HNRNPA1L2: variants seen among roughly 807,000 people sequenced by gnomAD.
HNRNPA1L2 encodes the protein heterogeneous nuclear ribonucleoprotein A1-like 2.
Under a neutral mutation model 18.2 loss-of-function variants are expected in HNRNPA1L2, and 10 were observed. That is an observed-to-expected ratio of 0.55 (90% CI 0.34 to 0.93). The LOEUF (loss-of-function observed/expected upper bound fraction) is 0.93. Ranked by LOEUF, HNRNPA1L2 falls within the 40% of genes least tolerant of loss-of-function variation. The pLI is 0.02. For missense variants in HNRNPA1L2, 308 were observed against 394.4 expected (o/e 0.78, Z 1.85); for synonymous variants, 124 against 138.6 (o/e 0.89, Z 0.74).
the HNRNPA1L2 span, among the ~76,000 whole-genome samples, chr13:52,624,893 T>C: frequency 4.9e-4 from 75 of 152,090 alleles, no homozygotes; most frequent in African/African-American, 1.8e-3. Flanking sequence ...TAGCCGGGTG[T>C]GGTGGCATGG....
the HNRNPA1L2 span, among the ~76,000 whole-genome samples, chr13:52,635,731 G>C: frequency 2.0e-5 from 3 of 151,370 alleles, no homozygotes; most frequent in South Asian, 4.2e-4. Flanking sequence ...CATCTGGCTT[G>C]TTTCACTCAG....
the HNRNPA1L2 span, among the ~76,000 whole-genome samples, chr13:52,628,391 A>G: frequency 3.3e-5 from 5 of 152,164 alleles, no homozygotes; most frequent in Admixed American, 2.6e-4. Flanking sequence ...GCATTGAGTT[A>G]AGATAGGCAC....
In HNRNPA1L2 at chr13:52,642,509, C is replaced by A. The variant is rs866632791; in HGVS notation, c.17C>A (p.Ser6Tyr). MSKSA[S>Y]PKEPEQLRKL... ...CTTGCCGTCATGTCTAAGTCAGCGTCTCCAAAAGAGCCCGAACAGCTGAGG... is the reference window on the plus strand; with the variant it reads ...CTTGCCGTCATGTCTAAGTCAGCGTATCCAAAAGAGCCCGAACAGCTGAGG... The change falls in exon 1 of 1, where the codon TCT becomes TAT. Residue 6 changes from serine to tyrosine, a missense_variant. Physicochemically the swap from Ser to Tyr is moderately radical, Grantham distance 144. Transcript: ENST00000357495. The A allele has an allele frequency of 1.9e-6, 3 of 1,611,936 alleles. No individual in the cohort carries two copies. The highest frequency in any genetic ancestry group is 2.5e-6 in the Non-Finnish European group (3 of 1,179,850).
At chr13:52,625,918 A>T in the HNRNPA1L2 span, among the ~76,000 whole-genome samples, 1 of 151,622 alleles carries the variant, frequency 6.6e-6, no homozygotes, top group African/African-American at 2.4e-5. Flanking sequence ...CTGGGACTGT[A>T]GGCATGTGCC....
chr13:52,638,872 C>G (rs950915023), upstream of HNRNPA1L2, among the ~76,000 whole-genome samples: 1 of 152,112 alleles, frequency 6.6e-6, no homozygotes, highest in African/African-American at 2.4e-5. Context: ...CTAGGAAGAA[C>G]AAATAGCTGC....
chr13:52,643,512 G>C lies in HNRNPA1L2; in HGVS notation c.*57G>C. ...CCAGAGAAGTGACAGGGAAGCTACAGGTTACAACAGATTTGTGAACTCAGC... is the reference window on the plus strand; with the variant it reads ...CCAGAGAAGTGACAGGGAAGCTACACGTTACAACAGATTTGTGAACTCAGC... On this transcript the variant is annotated 3_prime_UTR_variant, in exon 1 of 1. Coordinates refer to ENST00000357495, the MANE Select transcript of HNRNPA1L2 (RefSeq NM_001389320.1). 1 of 1,464,806 alleles carries C rather than the reference G, an allele frequency of 6.8e-7. No individual in the cohort carries two copies. Among genetic ancestry groups the C allele is most frequent in the Non-Finnish European group, 9.4e-7 (1 of 1,063,128 alleles). 90.7% of individuals were successfully genotyped at this position (1,464,806 alleles called of 1,614,324 possible).
the HNRNPA1L2 span, among the ~76,000 whole-genome samples, chr13:52,635,855 G>C: frequency 5.4e-5 from 8 of 148,398 alleles, no homozygotes; most frequent in African/African-American, 1.7e-4. Flanking sequence ...TTTTGAGACG[G>C]AGTCTCGCTC....
upstream of HNRNPA1L2, among the ~76,000 whole-genome samples, chr13:52,637,759 T>C (rs1173860040): frequency 6.6e-6 from 1 of 152,214 alleles, no homozygotes; most frequent in Non-Finnish European, 1.5e-5. Context: ...GACAGTACTA[T>C]CATTCTGTTC....
At chr13:52,630,463 CAG>C in the HNRNPA1L2 span, among the ~76,000 whole-genome samples, 2 of 151,944 alleles carry the variant, frequency 1.3e-5, no homozygotes. Flanking sequence ...TTAGTAGAGA[CAG>C]GGTTTCACCA....
chr13:52,619,731 CTAACA>C, the HNRNPA1L2 span, among the ~76,000 whole-genome samples: 1 of 151,916 alleles, frequency 6.6e-6, no homozygotes, highest in Non-Finnish European at 1.5e-5. Flanking sequence ...ACCATCCTGG[CTAACA>C]TGGTGAAACC....
chr13:52,639,694 C>CAAAAAAAAAAAAAAAAAAAAAAAAAAAA (rs10661534), upstream of HNRNPA1L2, among the ~76,000 whole-genome samples: 1 of 73,546 alleles, frequency 1.4e-5, no homozygotes, highest in African/African-American at 5.2e-5. Flanking sequence ...GACCCTGTCT[C>CAAAAAAAAAAAAAAAAAAAAAAAAAAAA]AAAAAAAAAA....
chr13:52,639,891 T>TG (rs1566162162), upstream of HNRNPA1L2, among the ~76,000 whole-genome samples: 9 of 122,652 alleles, frequency 7.3e-5, no homozygotes, highest in African/African-American at 2.2e-4. Context: ...TTTTTTTTTT[T>TG]TTTTGTTTTT....
At chr13:52,618,354 T>G in the HNRNPA1L2 span, among the ~76,000 whole-genome samples, 3 of 152,232 alleles carry the variant, frequency 2.0e-5, no homozygotes, top group Non-Finnish European at 4.4e-5. Flanking sequence ...ATACTTGGTT[T>G]TGCTGTTTAT....
In HNRNPA1L2 at chr13:52,642,714, A is replaced by G; in HGVS notation, c.222A>G (p.Thr74=). 6.2e-7 allele frequency: 1 copy of G among 1,604,464 alleles called. No individual in the cohort carries two copies. The highest frequency in any genetic ancestry group is 1.1e-5 in the South Asian group (1 of 90,994). Residue 74 remains threonine, a synonymous_variant, in exon 1 of 1, where the codon ACA becomes ACG. Coordinates refer to ENST00000357495, the MANE Select transcript of HNRNPA1L2 (RefSeq NM_001389320.1). ...AGGAGGTGGATGCAGCTATGAATAC[A>G]ACGCCACACAAGGTGGATGGAAGAG... The part of the protein sequence containing the change: ...TVEEVDAAMN[T]TPHKVDGRVV...
the HNRNPA1L2 span, chr13:52,617,609 C>T: frequency 1.1e-4 from 52 of 474,472 alleles, no homozygotes; most frequent in South Asian, 6.2e-4. Context: ...TTCCTGCCAC[C>T]CTTTGTCCCC....
upstream of HNRNPA1L2, chr13:52,642,166 T>G: frequency 2.9e-6 from 1 of 347,614 alleles, no homozygotes; most frequent in South Asian, 5.2e-5. Flanking sequence ...TGGCCAACAA[T>G]GTGGGGTTGG....
At chr13:52,639,249 A>G (rs1961563839), upstream of HNRNPA1L2, among the ~76,000 whole-genome samples, 1 of 152,228 alleles carries the variant, frequency 6.6e-6, no homozygotes, top group Non-Finnish European at 1.5e-5. Flanking sequence ...ATAATAAAAA[A>G]GAATTTGTGT....
At chr13:52,626,017 C>T in the HNRNPA1L2 span, among the ~76,000 whole-genome samples, 7 of 151,826 alleles carry the variant, frequency 4.6e-5, no homozygotes, top group South Asian at 2.1e-4. Context: ...TGAGCTCAAG[C>T]GATCCTCCCT....
chr13:52,621,061 C>T, the HNRNPA1L2 span, among the ~76,000 whole-genome samples: 1 of 151,954 alleles, frequency 6.6e-6, no homozygotes, highest in Non-Finnish European at 1.5e-5. Context: ...TATATTATAC[C>T]CTCTTACTGA....
Sources: gnomAD v4.1 joint callset for allele counts (sites outside exome capture counted in the v4.1 genomes callset) on GRCh38, gnomAD v4.1.1 for gene constraint, MANE v1.5 for transcripts, NCBI Gene and HGNC (gene_info 2026-07-23, HGNC 2026-07-21) for gene names.